Variants in MRC2 observed in about 807,000 individuals in gnomAD.
The protein encoded by MRC2 is C-type mannose receptor 2.
A neutral mutation model predicts 206.2 loss-of-function variants in MRC2; 84 were observed. That is an observed-to-expected ratio of 0.41 (90% confidence interval 0.34 to 0.49). The LOEUF is 0.49. MRC2 is among the 20% of genes least tolerant of loss of function. The pLI is 0.31. For synonymous variants in MRC2, 798 were observed against 800.0 expected, an observed-to-expected ratio of 1.00 and a Z score of 0.04; for missense variants, 1,676 against 2,001.5, an observed-to-expected ratio of 0.84 and a Z score of 3.10.
At chr17:62,681,491 G>T in intron 18 of MRC2, 1 of 461,576 alleles carries the variant, frequency 2.2e-6, no homozygotes, top group South Asian at 2.7e-5. Flanking sequence ...TGTATTTGGT[G>T]CCTACTTACC....
intron 1 of MRC2, among the ~76,000 whole-genome samples, chr17:62,639,242 G>T (rs529628614): frequency 8.1e-4 from 123 of 152,012 alleles, no homozygotes; most frequent in African/African-American, 2.9e-3. Flanking sequence ...TGGGGAGGGG[G>T]CTGAGGCAGG....
chr17:62,632,721 C>T (rs1192282613), intron 1 of MRC2, among the ~76,000 whole-genome samples: 2 of 152,144 alleles, frequency 1.3e-5, no homozygotes, highest in South Asian at 2.1e-4. Flanking sequence ...CCTGGGGTGA[C>T]GAGAGACAAG....
At chr17:62,640,685 A>ATTT (rs869295016) in intron 1 of MRC2, among the ~76,000 whole-genome samples, 18 of 135,124 alleles carry the variant, frequency 1.3e-4, no homozygotes, top group African/African-American at 4.6e-4. Flanking sequence ...CTAATATTTA[A>ATTT]TTTTTTTTTT....
chr17:62,678,722 G>A (rs1446143526), intron 13 of MRC2, 76 bp downstream of exon 13: 1 of 1,566,958 alleles, frequency 6.4e-7, no homozygotes, highest in Admixed American at 2.1e-5. Flanking sequence ...CAGACCCTTG[G>A]TTTTGTTGGG....
intron 1 of MRC2, among the ~76,000 whole-genome samples, chr17:62,657,815 G>A (rs570884717): frequency 2.0e-5 from 3 of 152,234 alleles, no homozygotes; most frequent in Admixed American, 1.3e-4. Flanking sequence ...CAGCCTGAGC[G>A]TGCACTCCCC....
At chr17:62,650,570 T>C (rs2088544576) in intron 1 of MRC2, among the ~76,000 whole-genome samples, 1 of 152,254 alleles carries the variant, frequency 6.6e-6, no homozygotes, top group Non-Finnish European at 1.5e-5. Flanking sequence ...GCTCTTCCCC[T>C]TATTAACTGT....
At chr17:62,691,984 GGA>G in intron 28 of MRC2, 126 bp from the exon 29 acceptor site, 1 of 1,224,182 alleles carries the variant, frequency 8.2e-7, no homozygotes, top group Admixed American at 2.0e-5. Flanking sequence ...AGGTAGGATG[GGA>G]GGGGGAACTA....
chr17:62,643,327 CAAAAAAAAAAAAAAAAA>C (rs59698063), intron 1 of MRC2, among the ~76,000 whole-genome samples: 1 of 44,162 alleles, frequency 2.3e-5, no homozygotes, highest in Non-Finnish European at 5.6e-5. Flanking sequence ...GAAACTCCGT[CAAAAAAAAAAAAAAAAA>C]AAAGAAAAAG....
chr17:62,651,824 G>A (rs1193646799), intron 1 of MRC2, among the ~76,000 whole-genome samples: 2 of 151,986 alleles, frequency 1.3e-5, no homozygotes, highest in Non-Finnish European at 1.5e-5. Context: ...CACCTGCCTC[G>A]GCCTCCCAAA....
At position 62,675,919 on chromosome 17, in the gene MRC2, G is replaced by A. The variant is rs373166387; in HGVS notation, c.1685+14G>A. 1.2e-5 allele frequency: 19 copies of A among 1,609,524 alleles called. No individual in the cohort carries two copies. The highest frequency in any genetic ancestry group is 6.7e-5 in the Admixed American group (4 of 59,986). On this transcript the variant is annotated intron_variant, in intron 10 of 29. Transcript: ENST00000303375. This position sits in a 1 kb window ranked among gnomAD's most constrained non-coding sequence, Gnocchi z 4.1. ...CATCACCAACAGGTACAGCAGGGGC[G>A]GGTGCCCTGACTAGCCCTTGCCCAT...
At chr17:62,668,366 AT>A (rs774128671) in intron 6 of MRC2, among the ~76,000 whole-genome samples, 31 of 150,738 alleles carry the variant, frequency 2.1e-4, no homozygotes, top group East Asian at 3.9e-4. Context: ...CAAAAAATAA[AT>A]AAATAAATAA....
At chr17:62,668,499 A>C (rs1160593667) in intron 6 of MRC2, among the ~76,000 whole-genome samples, 1 of 152,182 alleles carries the variant, frequency 6.6e-6, no homozygotes, top group Non-Finnish European at 1.5e-5. Flanking sequence ...AACCAGCAGC[A>C]CAGCATCCCC....
At position 62,646,350 on chromosome 17, in the gene MRC2, G is replaced by C. The variant is rs148093955; in HGVS notation, c.119-18198G>C. 5.5e-3 allele frequency among the ~76,000 whole-genome samples: 844 copies of C among 152,098 alleles called. 8 individuals are homozygous for C. The highest frequency in any genetic ancestry group is 0.019 in the African/African-American group (803 of 41,484). Reference sequence around the variant, plus strand: ...CCTCTCTCTCTTTTTTTAAGAGACAGGGTCTCATTATGTTGCCCAGGCTGG... The same window carrying C: ...CCTCTCTCTCTTTTTTTAAGAGACACGGTCTCATTATGTTGCCCAGGCTGG... On this transcript the variant is annotated intron_variant, in intron 1 of 29. Coordinates refer to ENST00000303375, the MANE Select transcript of MRC2 (RefSeq NM_006039.5).
rs2088830272 is a variant in MRC2 at position 62,671,837 on chromosome 17, G to A, written c.1306G>A (p.Glu436Lys). 6.3e-7 allele frequency: 1 copy of A among 1,593,262 alleles called. No homozygotes were observed. The highest frequency in any genetic ancestry group is 8.6e-7 in the Non-Finnish European group (1 of 1,166,328). The change falls in exon 7 of 30, where the codon GAG becomes AAG. Residue 436 changes from glutamate to lysine, a missense_variant and splice_region_variant. Around this residue, in one of 3 missense-constraint regions of MRC2, gnomAD observed 1,354 missense variants for 1,636.6 expected, o/e 0.83. Coordinates refer to ENST00000303375, the MANE Select transcript of MRC2 (RefSeq NM_006039.5). This position sits in a 1 kb window ranked among gnomAD's most constrained non-coding sequence, Gnocchi z 4.5. Reference sequence around the variant, plus strand: ...ATTCATCACCAAGCAGATCAAGCAAGGTGAGGAGCTGCCCGCCCACGTGTC... The same window carrying A: ...ATTCATCACCAAGCAGATCAAGCAAAGTGAGGAGCTGCCCGCCCACGTGTC... ...LEFITKQIKQEVEELWIGLND... is the reference protein window; with the variant it reads ...LEFITKQIKQKVEELWIGLND...
In MRC2 at chr17:62,664,555, C is replaced by A; in HGVS notation, c.126C>A (p.Asn42Lys). ...APGDAALPEP[N>K]VFLIFSHGLQ... ...TCTTGCCTTCCCTTCCAGAACCCAA[C>A]GTCTTCCTCATCTTCAGCCATGGAC... is the stretch of plus-strand genomic sequence containing the variant. Residue 42 changes from asparagine to lysine, a missense_variant, in exon 2 of 30, where the codon AAC becomes AAA. By Grantham distance (94) the Asn-to-Lys change is moderately conservative. Transcript: ENST00000303375. This position sits in a 1 kb window ranked among gnomAD's most constrained non-coding sequence, Gnocchi z 4.7. 6.2e-7 allele frequency: 1 copy of A among 1,609,104 alleles called. No individual in the cohort carries two copies. The highest frequency in any genetic ancestry group is 8.5e-7 in the Non-Finnish European group (1 of 1,177,576).
At chr17:62,689,080 C>A (rs2147493344) in intron 23 of MRC2, 120 bp downstream of exon 23, 3 of 781,414 alleles carry the variant, frequency 3.8e-6, no homozygotes, top group Non-Finnish European at 4.2e-6. Flanking sequence ...GCTTGGGAAG[C>A]AGATGGGCAG....
intron 1 of MRC2, among the ~76,000 whole-genome samples, chr17:62,638,101 G>T (rs2041285): frequency 0.52 from 78,697 of 152,026 alleles, 22,143 homozygotes; most frequent in East Asian, 0.81. Flanking sequence ...GGGCTCAAGG[G>T]CTCCTCCTGC....
In MRC2 at chr17:62,680,609, T is replaced by G; in HGVS notation, c.2473+156T>G. The G allele has an allele frequency of 7.7e-7, 1 of 1,297,408 alleles. No homozygotes were observed. Among genetic ancestry groups the G allele is most frequent in the Non-Finnish European group, 1.1e-6 (1 of 949,858 alleles). The allele number at this position is 1,297,408 out of a possible 1,614,324, so 80.4% of individuals were successfully genotyped here. The stretch of plus-strand genomic sequence containing the variant: ...GCTCGGACGGAGGCAGCCACAGCCC[T>G]GTTTGCTTCCGTGTGGGAGGCGAGG... On this transcript the variant is annotated intron_variant, in intron 16 of 29. Transcript: ENST00000303375. This position sits in a 1 kb window ranked among gnomAD's most constrained non-coding sequence, Gnocchi z 4.8.
intron 6 of MRC2, among the ~76,000 whole-genome samples, chr17:62,668,356 C>CAAAA (rs10631546): frequency 3.3e-5 from 4 of 122,794 alleles, no homozygotes; most frequent in African/African-American, 1.3e-4. Flanking sequence ...GACCCTGCCT[C>CAAAA]AAAAAATAAA....
Sources: gnomAD v4.1 joint callset for allele counts (sites outside exome capture counted in the v4.1 genomes callset) on GRCh38, gnomAD v4.1.1 for gene constraint, gnomAD v4.1.1 regional missense constraint, Gnocchi (gnomAD v3.1) non-coding constraint, MANE v1.5 for transcripts, NCBI Gene and HGNC (gene_info 2026-07-23, HGNC 2026-07-21) for gene names.